MARCHF6: variants seen among roughly 807,000 people sequenced by gnomAD.
The protein encoded by MARCHF6 is E3 ubiquitin-protein ligase MARCHF6.
MARCHF6 carries 31 observed loss-of-function variants against 133.7 expected under a neutral mutation model. The ratio of observed to expected loss-of-function variants is 0.23; its 90% CI spans 0.17 to 0.31. The LOEUF (loss-of-function observed/expected upper bound fraction) is 0.31, where lower values mean the gene tolerates loss of function less well. Ranked by LOEUF, MARCHF6 falls within the 10% of genes least tolerant of loss-of-function variation. The pLI, the probability that MARCHF6 is intolerant of heterozygous loss-of-function variation, is 1.00. For synonymous variants in MARCHF6, 395 were observed against 402.5 expected (o/e 0.98, Z 0.22); for missense variants, 723 against 1,121.6 (o/e 0.64, Z 5.08).
At chr5:10,368,083 G>A (rs1736240939) in intron 1 of MARCHF6, among the ~76,000 whole-genome samples, 1 of 152,140 alleles carries the variant, frequency 6.6e-6, no homozygotes, top group South Asian at 2.1e-4. Flanking sequence ...TTTAGTAAAG[G>A]ACTTTAAGCT....
intron 19 of MARCHF6, among the ~76,000 whole-genome samples, chr5:10,412,278 G>A (rs1273274435): frequency 1.3e-5 from 2 of 152,224 alleles, no homozygotes; most frequent in African/African-American, 4.8e-5. Flanking sequence ...GATATAGAGA[G>A]CATACGTGGT....
intron 7 of MARCHF6, 117 bp from the exon 8 acceptor site, chr5:10,393,960 GGCTTA>G: frequency 2.3e-6 from 1 of 439,608 alleles, no homozygotes. Context: ...ATGGAAATGT[GGCTTA>G]GCTTCTCAAC....
At position 10,439,052 on chromosome 5, in the gene MARCHF6, A is replaced by C. The variant is rs1030522209; in HGVS notation, c.*5368A>C. ...GTTCAGTAACTCTTCTTTAGGATACACCTAAAGATGAGAAGCTTCATACCC... is the reference window on the plus strand; with the variant it reads ...GTTCAGTAACTCTTCTTTAGGATACCCCTAAAGATGAGAAGCTTCATACCC... On this transcript the variant is annotated 3_prime_UTR_variant, in exon 26 of 26. Coordinates refer to ENST00000274140, the MANE Select transcript of MARCHF6 (RefSeq NM_005885.4). The C allele has an allele frequency of 5.9e-5, 9 of 152,142 alleles. No homozygotes were observed. The highest frequency in any genetic ancestry group is 2.2e-4 in the African/African-American group (9 of 41,422). 9.4% of individuals were successfully genotyped at this position (152,142 alleles called of 1,614,324 possible).
chr5:10,356,338 TTTTTA>T (rs1735457117), intron 1 of MARCHF6, among the ~76,000 whole-genome samples: 7 of 145,622 alleles, frequency 4.8e-5, no homozygotes, highest in Non-Finnish European at 1.1e-4. Context: ...GTGGTTCTGT[TTTTTA>T]TTTATTTTAT....
rs368884915 is a variant in MARCHF6 at position 10,375,905 on chromosome 5, C to T, written c.20-1893C>T. 2.7e-4 allele frequency among the ~76,000 whole-genome samples: 41 copies of T among 152,328 alleles called. No individual in the cohort carries two copies. The South Asian group carries it at 7.7e-3, about 28-fold the overall frequency. ...CCAATCTACACTCTATCTAGCTGCT[C>T]TGGTGGGGCCTTGGAGAACTTTTGT... is the stretch of plus-strand genomic sequence containing the variant. On this transcript the variant is annotated intron_variant, in intron 1 of 25. Coordinates refer to ENST00000274140, the MANE Select transcript of MARCHF6 (RefSeq NM_005885.4).
chr5:10,354,987 CAT>C (rs1735360368), intron 1 of MARCHF6, among the ~76,000 whole-genome samples: 4 of 152,160 alleles, frequency 2.6e-5, no homozygotes, highest in Non-Finnish European at 5.9e-5. Context: ...TCAACTATAA[CAT>C]GTGGCACTTG....
rs1331981403 is a variant in MARCHF6 at position 10,353,909 on chromosome 5, C to G, written c.11C>G (p.Ala4Gly). The change falls in exon 1 of 26, where the codon GCG (alanine) becomes GGG (glycine). Residue 4 changes from alanine (A) to glycine (G), a missense_variant. Ala to Gly is a moderately conservative substitution (Grantham distance 60, BLOSUM62 0). Around this residue, in one of 4 missense-constraint regions of MARCHF6, gnomAD observed 91 missense variants for 208.8 expected, o/e 0.44. Coordinates refer to ENST00000274140, the MANE Select transcript of MARCHF6 (RefSeq NM_005885.4). Reference sequence around the variant, plus strand: ...GCCCCCCCAGACAAGATGGACACCGCGGAGGAAGGTAAGTCGGCGACGCGC... The same window carrying G: ...GCCCCCCCAGACAAGATGGACACCGGGGAGGAAGGTAAGTCGGCGACGCGC... MDT[A>G]EEDICRVCRS... The G allele has an allele frequency of 1.9e-6, 3 of 1,563,274 alleles. No individual in the cohort carries two copies. Among genetic ancestry groups the G allele is most frequent in the Non-Finnish European group, 2.6e-6 (3 of 1,159,258 alleles).
rs1335858912 is a variant in MARCHF6 at position 10,437,258 on chromosome 5, T to G, written c.*3574T>G. On this transcript the variant is annotated 3_prime_UTR_variant, in exon 26 of 26. Coordinates refer to ENST00000274140, the MANE Select transcript of MARCHF6 (RefSeq NM_005885.4). The stretch of plus-strand genomic sequence containing the variant: ...TACTTACTGTGAGAAGTTTTCTACA[T>G]TGTAAAATTAAAAGATTATATTTAA... The G allele has an allele frequency of 6.6e-6, 1 of 152,248 alleles. No homozygotes were observed. The highest frequency in any genetic ancestry group is 2.4e-5 in the African/African-American group (1 of 41,466). The allele number at this position is 152,248 out of a possible 1,614,324, so 9.4% of individuals were successfully genotyped here.
At chr5:10,404,567 A>G (rs546074580) in intron 15 of MARCHF6, among the ~76,000 whole-genome samples, 5 of 152,318 alleles carry the variant, frequency 3.3e-5, no homozygotes, top group Admixed American at 2.6e-4. Flanking sequence ...CCTCGATTTT[A>G]TAGCCTGAAA....
intron 15 of MARCHF6, among the ~76,000 whole-genome samples, 182 bp downstream of exon 15, chr5:10,403,723 T>C (rs1738694003): frequency 6.6e-6 from 1 of 152,238 alleles, no homozygotes; most frequent in Non-Finnish European, 1.5e-5. Context: ...TTTCAGTTGT[T>C]TGTCTCCATA....
At chr5:10,412,881 A>G (rs78894039) in intron 19 of MARCHF6, among the ~76,000 whole-genome samples, 1 of 152,224 alleles carries the variant, frequency 6.6e-6, no homozygotes, top group Non-Finnish European at 1.5e-5. Flanking sequence ...GCCTAATTGA[A>G]TATATTTAGA....
At chr5:10,358,687 AT>A (rs1253069767) in intron 1 of MARCHF6, among the ~76,000 whole-genome samples, 1 of 152,200 alleles carries the variant, frequency 6.6e-6, no homozygotes, top group East Asian at 1.9e-4. Flanking sequence ...ATTGAAAAAA[AT>A]TTTGGAGATT....
intron 1 of MARCHF6, among the ~76,000 whole-genome samples, chr5:10,372,652 TATTTATTA>T (rs1736540424): frequency 6.6e-6 from 1 of 152,248 alleles, no homozygotes; most frequent in Admixed American, 6.5e-5. Context: ...ATTTTGGAAG[TATTTATTA>T]ATTTGCTTTA....
In MARCHF6 at chr5:10,358,191, C is replaced by A. The variant is rs1735596868; in HGVS notation, c.19+4274C>A. On this transcript the variant is annotated intron_variant, in intron 1 of 25. Transcript: ENST00000274140. The stretch of plus-strand genomic sequence containing the variant: ...GTGAAGTGTCTAAGATGGGAGCATG[C>A]CTAGAGTGTTCAATAAATCACCAGG... 2.6e-5 allele frequency among the ~76,000 whole-genome samples: 4 copies of A among 151,954 alleles called. No homozygotes were observed. The South Asian group carries it at 8.3e-4, about 32-fold the overall frequency.
intron 24 of MARCHF6, among the ~76,000 whole-genome samples, chr5:10,427,055 C>T (rs865969836): frequency 6.6e-6 from 1 of 152,190 alleles, no homozygotes; most frequent in African/African-American, 2.4e-5. Context: ...CTCCAGAATT[C>T]CGTCTCTCAG....
chr5:10,367,811 G>C (rs1736224699), intron 1 of MARCHF6, among the ~76,000 whole-genome samples: 1 of 151,894 alleles, frequency 6.6e-6, no homozygotes, highest in Non-Finnish European at 1.5e-5. Context: ...CAAGCTCTTT[G>C]GTGGAATCTT....
At chr5:10,358,565 A>G (rs1735622238) in intron 1 of MARCHF6, among the ~76,000 whole-genome samples, 1 of 152,194 alleles carries the variant, frequency 6.6e-6, no homozygotes, top group Non-Finnish European at 1.5e-5. Context: ...TTTATGTTAT[A>G]ATTATTCTAA....
chr5:10,374,752 A>G (rs1250902439), intron 1 of MARCHF6, among the ~76,000 whole-genome samples: 1 of 152,206 alleles, frequency 6.6e-6, no homozygotes, highest in Non-Finnish European at 1.5e-5. Flanking sequence ...CCACTGCATT[A>G]ATGCCCATGA....
chr5:10,398,638 G>C (rs1738333917), intron 10 of MARCHF6, among the ~76,000 whole-genome samples: 1 of 149,700 alleles, frequency 6.7e-6, no homozygotes, highest in Non-Finnish European at 1.5e-5. Flanking sequence ...CTTTACTCTT[G>C]CAGAAAAGCT....
Sources: gnomAD v4.1 joint callset for allele counts (sites outside exome capture counted in the v4.1 genomes callset) on GRCh38, gnomAD v4.1.1 for gene constraint, gnomAD v4.1.1 regional missense constraint, MANE v1.5 for transcripts, NCBI Gene and HGNC (gene_info 2026-07-23, HGNC 2026-07-21) for gene names.